The following PREX2 variants were observed in gnomAD, a reference collection of about 807,000 sequenced individuals.
PREX2 encodes phosphatidylinositol 3,4,5-trisphosphate-dependent Rac exchanger 2 protein.
Under a neutral mutation model 203.2 loss-of-function variants are expected in PREX2, and 107 were observed. The observed-to-expected ratio is 0.53, with a 90% CI of 0.45 to 0.62. The LOEUF is 0.62. Ranked by LOEUF, PREX2 falls within the 20% of genes least tolerant of loss-of-function variation. The probability of loss-of-function intolerance (pLI) is 0.00; values close to 1 mark genes in which losing one functional copy is unlikely to be tolerated. For synonymous variants in PREX2, 672 were observed against 663.6 expected (o/e 1.01, Z -0.19); for missense variants, 1,777 against 1,955.9 (o/e 0.91, Z 1.72).
At chr8:67,977,027 A>G (rs68074568) in intron 1 of PREX2, among the ~76,000 whole-genome samples, 1 of 152,164 alleles carries the variant, frequency 6.6e-6, no homozygotes, top group Non-Finnish European at 1.5e-5. Context: ...ATAGTTTGTT[A>G]TGCAATATAA....
At chr8:68,062,422 C>T (rs1173706203) in intron 11 of PREX2, among the ~76,000 whole-genome samples, 1 of 152,170 alleles carries the variant, frequency 6.6e-6, no homozygotes, top group Non-Finnish European at 1.5e-5. Flanking sequence ...TTACCATGAC[C>T]TACAACATCC....
chr8:68,056,076 C>A, intron 10 of PREX2, 102 bp downstream of exon 10: 2 of 1,254,988 alleles, frequency 1.6e-6, no homozygotes, highest in Non-Finnish European at 2.2e-6. Context: ...TTCCCTTAGG[C>A]ACTTTTGAAA....
intron 38 of PREX2, among the ~76,000 whole-genome samples, chr8:68,221,455 C>G (rs551348271): frequency 6.6e-6 from 1 of 152,036 alleles, no homozygotes; most frequent in African/African-American, 2.4e-5. Context: ...GTACTTGTTT[C>G]ATAGTGTTGT....
intron 27 of PREX2, among the ~76,000 whole-genome samples, chr8:68,119,049 T>C (rs1810714532): frequency 6.6e-6 from 1 of 152,196 alleles, no homozygotes; most frequent in African/African-American, 2.4e-5. Flanking sequence ...GGATTGAGGG[T>C]AATGAGAGAA....
At chr8:68,166,079 C>A (rs1009871960) in intron 35 of PREX2, among the ~76,000 whole-genome samples, 2 of 152,168 alleles carry the variant, frequency 1.3e-5, no homozygotes, top group Admixed American at 1.3e-4. Context: ...CTGAGACAGG[C>A]TGAAGGAGGC....
Position 68,115,804 on chromosome 8 carries a change from G to C in PREX2, c.3198G>C (p.Glu1066Asp). ...CTAAATTAGAACGTAAGACATCAGA[G>C]GGCATAATACCAACAGACAGTGACA... ...YSPKLERKTS[E>D]GIIPTDSDNE... Residue 1066 changes from glutamate to aspartate, a missense_variant, in exon 26 of 40, where the codon GAG (glutamate) becomes GAC (aspartate). Physicochemically the swap from Glu to Asp is conservative, Grantham distance 45. Transcript: ENST00000288368. 3 of 1,613,278 alleles carry C rather than the reference G, an allele frequency of 1.9e-6. No individual in the cohort carries two copies. Among genetic ancestry groups the C allele is most frequent in the African/African-American group, 1.3e-5 (1 of 74,958 alleles).
intron 37 of PREX2, among the ~76,000 whole-genome samples, chr8:68,195,407 T>C (rs1812374602): frequency 6.6e-6 from 1 of 152,244 alleles, no homozygotes; most frequent in Admixed American, 6.5e-5. Flanking sequence ...GGGCTGAATT[T>C]AAGGTCAAAA....
At chr8:68,175,068 G>A (rs989548022) in intron 35 of PREX2, among the ~76,000 whole-genome samples, 10 of 152,206 alleles carry the variant, frequency 6.6e-5, no homozygotes, top group African/African-American at 1.9e-4. Flanking sequence ...TCTACCGAAC[G>A]CCATGGCTGG....
chr8:67,997,027 A>G (rs1806786530), intron 1 of PREX2, among the ~76,000 whole-genome samples: 1 of 152,206 alleles, frequency 6.6e-6, no homozygotes, highest in Admixed American at 6.5e-5. Flanking sequence ...TTCATCAGAT[A>G]TGTAAATATT....
At chr8:68,067,287 T>G (rs1220046199) in intron 11 of PREX2, among the ~76,000 whole-genome samples, 1 of 152,132 alleles carries the variant, frequency 6.6e-6, no homozygotes, top group Admixed American at 6.5e-5. Flanking sequence ...AGAAATCACA[T>G]TGAATCTGTA....
At chr8:68,189,915 T>A (rs934136744) in intron 35 of PREX2, among the ~76,000 whole-genome samples, 2 of 152,260 alleles carry the variant, frequency 1.3e-5, no homozygotes, top group Non-Finnish European at 2.9e-5. Flanking sequence ...TCAATAAAGA[T>A]GAGCATAATT....
intron 26 of PREX2, among the ~76,000 whole-genome samples, chr8:68,116,596 C>A (rs569553850): frequency 6.6e-6 from 1 of 152,182 alleles, no homozygotes; most frequent in Non-Finnish European, 1.5e-5. Context: ...GGCTCCTTGA[C>A]GCGTAAACGG....
intron 1 of PREX2, among the ~76,000 whole-genome samples, chr8:67,994,133 G>GGA (rs1425542796): frequency 5.9e-5 from 9 of 152,192 alleles, no homozygotes; most frequent in Non-Finnish European, 8.8e-5. Context: ...TCTGGTCCTA[G>GGA]GAGATTCCAT....
At chr8:67,962,868 A>T (rs572733262) in intron 1 of PREX2, among the ~76,000 whole-genome samples, 1 of 152,144 alleles carries the variant, frequency 6.6e-6, no homozygotes, top group Non-Finnish European at 1.5e-5. Flanking sequence ...TCGGCCTCCC[A>T]AAGTGCTGGG....
chr8:68,192,275 C>A, intron 36 of PREX2, 60 bp from the exon 37 acceptor site: 3 of 1,337,848 alleles, frequency 2.2e-6, no homozygotes, highest in Non-Finnish European at 2.1e-6. Context: ...CTATACCAAC[C>A]TATCTAAAAG....
chr8:68,070,017 G>T, intron 13 of PREX2, 133 bp downstream of exon 13: 2 of 445,220 alleles, frequency 4.5e-6, no homozygotes, highest in East Asian at 3.5e-5. Flanking sequence ...TTATTTTAAG[G>T]AATAATTTAT....
At chr8:68,011,850 A>G (rs1807274027) in intron 1 of PREX2, among the ~76,000 whole-genome samples, 1 of 152,146 alleles carries the variant, frequency 6.6e-6, no homozygotes, top group South Asian at 2.1e-4. Flanking sequence ...AACAAACTAG[A>G]AGTTAAATGC....
intron 31 of PREX2, among the ~76,000 whole-genome samples, chr8:68,132,484 A>G (rs1482930519): frequency 1.3e-5 from 2 of 152,016 alleles, no homozygotes; most frequent in Non-Finnish European, 2.9e-5. Flanking sequence ...ACAAAATTAA[A>G]TATTTTAAAT....
chr8:68,104,935 G>T (rs779443047), intron 23 of PREX2, among the ~76,000 whole-genome samples: 2 of 152,140 alleles, frequency 1.3e-5, no homozygotes, highest in Non-Finnish European at 2.9e-5. Flanking sequence ...TTGCAAAATT[G>T]CAGTTTTTAT....
Sources: allele counts gnomAD v4.1 joint callset (sites outside exome capture counted in the v4.1 genomes callset), GRCh38; gene constraint gnomAD v4.1.1; transcripts MANE v1.5; gene names NCBI Gene and HGNC (gene_info 2026-07-23, HGNC 2026-07-21).